Variants in RABGAP1L observed in about 807,000 individuals in gnomAD.
The protein encoded by RABGAP1L is rab GTPase-activating protein 1-like.
Under a neutral mutation model 137.7 loss-of-function variants are expected in RABGAP1L, and 63 were observed. The ratio of observed to expected loss-of-function variants is 0.46; its 90% CI spans 0.37 to 0.56. RABGAP1L has a LOEUF of 0.56. Among genes scored for constraint, RABGAP1L ranks in the 20% least tolerant of loss-of-function variants. The pLI is 0.00. For missense variants in RABGAP1L, 1,095 were observed against 1,244.0 expected, an observed-to-expected ratio of 0.88 and a Z score of 1.80; for synonymous variants, 431 against 433.7, an observed-to-expected ratio of 0.99 and a Z score of 0.08.
chr1:174,544,567 C>T (rs1045160134), intron 13 of RABGAP1L, among the ~76,000 whole-genome samples: 6 of 151,996 alleles, frequency 3.9e-5, no homozygotes, highest in Non-Finnish European at 7.4e-5. Context: ...CGGATAAGTT[C>T]GTTATTACTG....
intron 13 of RABGAP1L, among the ~76,000 whole-genome samples, chr1:174,612,797 G>A (rs1242390150): frequency 6.6e-6 from 1 of 152,348 alleles, no homozygotes; most frequent in East Asian, 1.9e-4. Flanking sequence ...GAGTGTACGT[G>A]TCAAGGAATG....
chr1:174,247,245 G>A (rs1672341300), intron 5 of RABGAP1L, among the ~76,000 whole-genome samples: 1 of 152,052 alleles, frequency 6.6e-6, no homozygotes, highest in South Asian at 2.1e-4. Context: ...ATATGGCTGG[G>A]GTTTAACTAC....
At chr1:174,978,376 T>C (rs1670827231) in intron 22 of RABGAP1L, among the ~76,000 whole-genome samples, 1 of 152,150 alleles carries the variant, frequency 6.6e-6, no homozygotes, top group Non-Finnish European at 1.5e-5. Context: ...TCCAGAGAGG[T>C]AACAGCAGTA....
At chr1:174,651,733 G>T (rs1269658905) in intron 14 of RABGAP1L, among the ~76,000 whole-genome samples, 1 of 152,160 alleles carries the variant, frequency 6.6e-6, no homozygotes, top group Non-Finnish European at 1.5e-5. Context: ...GTGTGTCTCT[G>T]CAGGTGAGAT....
intron 10 of RABGAP1L, among the ~76,000 whole-genome samples, chr1:174,297,980 A>G (rs763388169): frequency 2.7e-4 from 41 of 152,174 alleles, no homozygotes; most frequent in Non-Finnish European, 5.0e-4. Flanking sequence ...TGGAGGATGC[A>G]TCCGAGGGAC....
intron 11 of RABGAP1L, among the ~76,000 whole-genome samples, chr1:174,314,399 T>C (rs1187133519): frequency 6.6e-6 from 1 of 152,172 alleles, no homozygotes; most frequent in Non-Finnish European, 1.5e-5. Flanking sequence ...ATCTTTTTGC[T>C]TTTTTTCTTA....
chr1:174,686,354 C>A (rs951990234), intron 15 of RABGAP1L, among the ~76,000 whole-genome samples: 2 of 152,038 alleles, frequency 1.3e-5, no homozygotes, highest in Non-Finnish European at 2.9e-5. Context: ...TTTCTGTCTT[C>A]TTGTTATCCT....
At chr1:174,176,321 TTA>T (rs1417219117) in intron 1 of RABGAP1L, among the ~76,000 whole-genome samples, 1 of 152,158 alleles carries the variant, frequency 6.6e-6, no homozygotes, top group Non-Finnish European at 1.5e-5. Flanking sequence ...AATGGATCTT[TTA>T]TCTATGTGTA....
At chr1:174,614,428 A>G (rs147447502) in intron 13 of RABGAP1L, among the ~76,000 whole-genome samples, 123 of 152,132 alleles carry the variant, frequency 8.1e-4, no homozygotes, top group African/African-American at 2.6e-3. Flanking sequence ...TGGCTTGTAG[A>G]CTTTCTGCCG....
At chr1:174,548,045 A>C in intron 13 of RABGAP1L, 2 of 1,550,544 alleles carry the variant, frequency 1.3e-6, no homozygotes, top group Non-Finnish European at 8.7e-7. Flanking sequence ...AAGAGGCTTA[A>C]TGCCTGTTAA....
chr1:174,520,955 T>C (rs1224261516), intron 13 of RABGAP1L, among the ~76,000 whole-genome samples: 1 of 152,190 alleles, frequency 6.6e-6, no homozygotes, highest in Admixed American at 6.5e-5. Context: ...GAGCTGAGAT[T>C]GCACCACTGC....
At chr1:174,632,605 T>A (rs2148319594) in intron 13 of RABGAP1L, among the ~76,000 whole-genome samples, 1 of 150,138 alleles carries the variant, frequency 6.7e-6, no homozygotes, top group South Asian at 2.1e-4. Flanking sequence ...TTTATTCTTT[T>A]TTCTCTAAAC....
chr1:174,773,420 C>G (rs1558064172), intron 18 of RABGAP1L, among the ~76,000 whole-genome samples: 1 of 152,102 alleles, frequency 6.6e-6, no homozygotes, highest in Non-Finnish European at 1.5e-5. Flanking sequence ...AAATTCCATG[C>G]CTTTTTACGT....
At chr1:174,558,306 T>G (rs1481870941) in intron 13 of RABGAP1L, among the ~76,000 whole-genome samples, 1 of 152,216 alleles carries the variant, frequency 6.6e-6, no homozygotes, top group Non-Finnish European at 1.5e-5. Flanking sequence ...CCATGATGTT[T>G]TCTCTCAGCC....
chr1:174,379,362 G>C (rs1343498538), intron 12 of RABGAP1L, among the ~76,000 whole-genome samples: 2 of 146,612 alleles, frequency 1.4e-5, no homozygotes, highest in Middle Eastern at 7.1e-3. Flanking sequence ...CATTGAATCT[G>C]TAAATTACCT....
chr1:174,353,066 G>A (rs1683332212), intron 11 of RABGAP1L, among the ~76,000 whole-genome samples: 1 of 152,068 alleles, frequency 6.6e-6, no homozygotes, highest in Non-Finnish European at 1.5e-5. Flanking sequence ...CATGGCCTGT[G>A]GCTCTATTGC....
chr1:174,678,130 C>T (rs1482520937), intron 14 of RABGAP1L, among the ~76,000 whole-genome samples: 1 of 151,926 alleles, frequency 6.6e-6, no homozygotes. Flanking sequence ...ATGTCAGTAA[C>T]CTTAACAATT....
At chr1:174,441,540 G>A (rs1460299978) in intron 13 of RABGAP1L, among the ~76,000 whole-genome samples, 2 of 152,046 alleles carry the variant, frequency 1.3e-5, no homozygotes, top group African/African-American at 4.8e-5. Flanking sequence ...TTTGAGACCA[G>A]CCTGACCAAC....
rs140985233 is a variant in RABGAP1L, at chr1:174,978,456, T to C, written c.2650-351T>C. Among the ~76,000 whole-genome samples the C allele has an allele frequency of 3.9e-5, 6 of 152,316 alleles. No homozygotes were observed. The East Asian group carries it at 1.2e-3, about 29-fold the overall frequency. ...AATTTATAACATCAAGAGTAACAAA[T>C]TTAGCATGCAGTATTGCCTTGATGT... On this transcript the variant is annotated intron_variant, in intron 22 of 25. Transcript: ENST00000681986.
Sources: allele counts gnomAD v4.1 joint callset (sites outside exome capture counted in the v4.1 genomes callset), GRCh38; gene constraint gnomAD v4.1.1; transcripts MANE v1.5; gene names NCBI Gene and HGNC (gene_info 2026-07-23, HGNC 2026-07-21).